The following INPP5F variants were observed in gnomAD, a reference collection of about 807,000 sequenced individuals.
INPP5F encodes the protein inositol polyphosphate-5-phosphatase F, also known as phosphatidylinositide 4-phosphatase SAC2.
In INPP5F, 97 loss-of-function variants were observed where a neutral mutation model predicts 137.2. The observed-to-expected ratio is 0.71, with a 90% CI of 0.60 to 0.84. The LOEUF is 0.84. INPP5F is among the 40% of genes least tolerant of loss of function. INPP5F has a pLI of 0.00. For synonymous variants in INPP5F, 504 were observed against 476.9 expected (o/e 1.06, Z -0.74); for missense variants, 1,271 against 1,371.9 (o/e 0.93, Z 1.16).
intron 2 of INPP5F, among the ~76,000 whole-genome samples, chr10:119,752,664 A>G (rs1317222489): frequency 2.0e-5 from 3 of 151,036 alleles, no homozygotes; most frequent in African/African-American, 7.3e-5. Flanking sequence ...AATGTTTCCA[A>G]TTTCCTTCCC....
At chr10:119,760,092 ATC>A (rs1487853616) in intron 2 of INPP5F, among the ~76,000 whole-genome samples, 1 of 152,170 alleles carries the variant, frequency 6.6e-6, no homozygotes, top group African/African-American at 2.4e-5. Flanking sequence ...TCCTGAGCAT[ATC>A]TCTAAGTGGC....
In INPP5F at chr10:119,826,807, C is replaced by T. The variant is rs978018567; in HGVS notation, c.2426C>T (p.Pro809Leu). Residue 809 changes from proline (P) to leucine (L), a missense_variant, in exon 20 of 20, where the codon CCT becomes CTT. Pro to Leu is a moderately conservative substitution (Grantham distance 98, BLOSUM62 -3). This residue lies in a region of INPP5F where 490 missense variants were observed against 443.7 expected (regional missense o/e 1.10). Transcript: ENST00000650623. ...CGAAAGCTAGGAAACTTTACCAAACCTGAAATGAAAGTTAACTTTCTAAAA... is the reference window on the plus strand; with the variant it reads ...CGAAAGCTAGGAAACTTTACCAAACTTGAAATGAAAGTTAACTTTCTAAAA... ...NLRKLGNFTKPEMKVNFLKPN... is the reference protein window; with the variant it reads ...NLRKLGNFTKLEMKVNFLKPN... 4 of 1,613,544 alleles carry T rather than the reference C, an allele frequency of 2.5e-6. No individual in the cohort carries two copies. The highest frequency in any genetic ancestry group is 3.4e-6 in the Non-Finnish European group (4 of 1,179,850).
intron 3 of INPP5F, among the ~76,000 whole-genome samples, chr10:119,785,534 TCG>T (rs1849866572): frequency 3.5e-5 from 1 of 28,948 alleles, no homozygotes; most frequent in Admixed American, 3.8e-4. Flanking sequence ...TGTGATCCGC[TCG>T]AGAGAGAGAG....
At chr10:119,728,758 C>T (rs1038378776) in intron 1 of INPP5F, among the ~76,000 whole-genome samples, 14 of 152,212 alleles carry the variant, frequency 9.2e-5, no homozygotes, top group African/African-American at 3.1e-4. Context: ...AACCCCTTTT[C>T]CTACCTAGTC....
chr10:119,795,944 GGC>G (rs1368300517), intron 6 of INPP5F, among the ~76,000 whole-genome samples: 2 of 152,090 alleles, frequency 1.3e-5, no homozygotes, highest in Non-Finnish European at 2.9e-5. Flanking sequence ...CAGGCGTGGC[GGC>G]GCGCGCCTGC....
intron 19 of INPP5F, 47 bp from the exon 20 acceptor site, chr10:119,826,584 T>C: frequency 7.2e-7 from 1 of 1,390,408 alleles, no homozygotes; most frequent in Non-Finnish European, 9.8e-7. Context: ...GGAACTGGCA[T>C]ATTGGATTCC....
intron 6 of INPP5F, among the ~76,000 whole-genome samples, chr10:119,794,398 A>C (rs1384057613): frequency 1.3e-5 from 2 of 152,040 alleles, no homozygotes; most frequent in African/African-American, 4.8e-5. Flanking sequence ...GAACAAAATG[A>C]AAAGTCTCCC....
At chr10:119,821,889 A>G (rs1851581804) in intron 16 of INPP5F, among the ~76,000 whole-genome samples, 1 of 86,148 alleles carries the variant, frequency 1.2e-5, no homozygotes. Context: ...TTTTTTTGAG[A>G]TGGAGTTTCG....
At chr10:119,797,031 C>A in intron 7 of INPP5F, 118 bp downstream of exon 7, 1 of 964,332 alleles carries the variant, frequency 1.0e-6, no homozygotes, top group Non-Finnish European at 1.6e-6. Context: ...CTTCAAAGTG[C>A]TTGGGGACTC....
chr10:119,793,710 G>C (rs947133779), intron 6 of INPP5F: 2 of 152,188 alleles, frequency 1.3e-5, no homozygotes, highest in Non-Finnish European at 2.9e-5. Context: ...GCAGTGGCAC[G>C]ATCTCAGCCC....
At chr10:119,771,157 G>T (rs1253484448) in intron 2 of INPP5F, among the ~76,000 whole-genome samples, 13 of 152,162 alleles carry the variant, frequency 8.5e-5, no homozygotes, top group South Asian at 4.2e-4. Flanking sequence ...TCTACCTTCT[G>T]TCTCTAGGGA....
chr10:119,820,916 T>C lies in INPP5F; in HGVS notation c.1957T>C (p.Tyr653His). ...LLSNSAYYVA[Y>H]YDDEVDKVNQ... is the part of the protein sequence containing the mutation. ...TTCTAACTCTGCCTACTACGTGGCC[T>C]AGTAAGTTGCTTATTGATTTAAAGG... Residue 653 changes from tyrosine (Y) to histidine (H), a missense_variant and splice_region_variant, in exon 16 of 20, where the codon TAT becomes CAT. Transcript: ENST00000650623. 1 of 1,586,704 alleles carries C rather than the reference T, an allele frequency of 6.3e-7. No individual in the cohort carries two copies. Among genetic ancestry groups the C allele is most frequent in the Non-Finnish European group, 8.7e-7 (1 of 1,155,048 alleles).
intron 2 of INPP5F, among the ~76,000 whole-genome samples, chr10:119,755,044 G>T (rs1158063268): frequency 6.6e-6 from 1 of 152,202 alleles, no homozygotes; most frequent in African/African-American, 2.4e-5. Flanking sequence ...CACCTAGGGA[G>T]ATGGGAACAT....
intron 2 of INPP5F, among the ~76,000 whole-genome samples, chr10:119,762,865 G>A (rs549901108): frequency 5.8e-4 from 89 of 152,200 alleles, no homozygotes; most frequent in Middle Eastern, 3.4e-3. Flanking sequence ...CTTCTCATAT[G>A]CAAAATACAT....
chr10:119,795,424 C>T (rs1159269758), intron 6 of INPP5F, among the ~76,000 whole-genome samples: 2 of 151,270 alleles, frequency 1.3e-5, no homozygotes, highest in South Asian at 2.1e-4. Flanking sequence ...CAGAGACGCT[C>T]CTCACATCCC....
intron 2 of INPP5F, among the ~76,000 whole-genome samples, chr10:119,773,251 C>A (rs1849422065): frequency 6.6e-6 from 1 of 151,754 alleles, no homozygotes; most frequent in Admixed American, 6.6e-5. Context: ...GAGACAGGGT[C>A]TTGCTGTGTT....
chr10:119,825,456 ACT>A (rs1252020032), intron 19 of INPP5F, among the ~76,000 whole-genome samples: 1 of 152,168 alleles, frequency 6.6e-6, no homozygotes, highest in African/African-American at 2.4e-5. Context: ...ACAGAGTAAC[ACT>A]GACTGTCTCC....
At chr10:119,802,413 G>C (rs1589732506) in intron 9 of INPP5F, among the ~76,000 whole-genome samples, 2 of 152,310 alleles carry the variant, frequency 1.3e-5, no homozygotes, top group East Asian at 3.9e-4. Context: ...TCTGAGGTAT[G>C]AGTCAGTTGA....
chr10:119,742,399 A>C (rs1013629573), intron 1 of INPP5F, among the ~76,000 whole-genome samples: 1 of 151,420 alleles, frequency 6.6e-6, no homozygotes, highest in Non-Finnish European at 1.5e-5. Context: ...CTCGTGATCC[A>C]CCTGCCTTGG....
Sources: allele counts gnomAD v4.1 joint callset (sites outside exome capture counted in the v4.1 genomes callset), GRCh38; gene constraint gnomAD v4.1.1; regional missense constraint gnomAD v4.1.1; transcripts MANE v1.5; gene names NCBI Gene and HGNC (gene_info 2026-07-23, HGNC 2026-07-21).